Variants in PANK3 observed in about 807,000 individuals in gnomAD.
PANK3 encodes pantothenate kinase 3.
PANK3 carries 20 observed loss-of-function variants against 39.4 expected under a neutral mutation model. The ratio of observed to expected loss-of-function variants is 0.51; its 90% CI spans 0.36 to 0.74. PANK3 has a LOEUF of 0.74. Ranked by LOEUF, PANK3 falls within the 30% of genes least tolerant of loss-of-function variation. PANK3 has a pLI of 0.00. For synonymous variants in PANK3, 140 were observed against 157.3 expected (o/e 0.89, Z 0.82); for missense variants, 265 against 437.0 (o/e 0.61, Z 3.51).
intron 1 of PANK3, among the ~76,000 whole-genome samples, chr5:168,575,528 A>G (rs11958750): frequency 0.44 from 67,387 of 151,988 alleles, 15,822 homozygotes; most frequent in East Asian, 0.61. Flanking sequence ...GGCCAGGAAC[A>G]TGGCTCATGC....
At position 168,551,603 on chromosome 5, in the gene PANK3, A is replaced by G. The variant is rs548849717; in HGVS notation, c.*5968T>C. 1.3e-5 allele frequency: 2 copies of G among 152,160 alleles called. No individual in the cohort carries two copies. Among genetic ancestry groups the G allele is most frequent in the Non-Finnish European group, 2.9e-5 (2 of 68,014 alleles). 9.4% of individuals were successfully genotyped at this position (152,160 alleles called of 1,614,324 possible). A position where few individuals can be genotyped will look rare whatever the true frequency, so the allele number is the denominator to read the frequency against. ...ATCCAGTTAAGCTTTCCATCCAAGAAAACAACCTTAAAAATCAAGGCAAGA... is the reference window on the plus strand; with the variant it reads ...ATCCAGTTAAGCTTTCCATCCAAGAGAACAACCTTAAAAATCAAGGCAAGA... On this transcript the variant is annotated 3_prime_UTR_variant, in exon 7 of 7. Transcript: ENST00000239231.
At position 168,554,894 on chromosome 5, in the gene PANK3, T is replaced by C. The variant is rs1400374056; in HGVS notation, c.*2677A>G. ...CAGAGTCTAAGTTATTTCATCACTG[T>C]ACTTTGGTTAATGTGAACTATGATT... On this transcript the variant is annotated 3_prime_UTR_variant, in exon 7 of 7. Coordinates refer to ENST00000239231, the MANE Select transcript of PANK3 (RefSeq NM_024594.4). The C allele has an allele frequency of 6.6e-6, 1 of 152,244 alleles. No homozygotes were observed. The highest frequency in any genetic ancestry group is 2.4e-5 in the African/African-American group (1 of 41,458). 9.4% of individuals were successfully genotyped at this position (152,244 alleles called of 1,614,324 possible).
chr5:168,565,414 A>G lies in PANK3; in HGVS notation c.635+599T>C, dbSNP rs570329293. Among the ~76,000 whole-genome samples the G allele has an allele frequency of 3.9e-5, 6 of 152,328 alleles. No individual in the cohort carries two copies. The South Asian group carries it at 1.2e-3, about 32-fold the overall frequency. On this transcript the variant is annotated intron_variant, in intron 3 of 6. Coordinates refer to ENST00000239231, the MANE Select transcript of PANK3 (RefSeq NM_024594.4). ...AATCACATTAATTCATCCTATAAGA[A>G]TAAATTACAATGTTCCCCAGTACTG...
chr5:168,552,083 T>G lies in PANK3; in HGVS notation c.*5488A>C, dbSNP rs1258930178. On this transcript the variant is annotated 3_prime_UTR_variant, in exon 7 of 7. Transcript: ENST00000239231. ...TGGTGGTGATGGGAAATTCTATACC[T>G]TGTGTTGTTTGCCTAGCCTCACAGC... 6.6e-6 allele frequency: 1 copy of G among 152,222 alleles called. No individual in the cohort carries two copies. Among genetic ancestry groups the G allele is most frequent in the Non-Finnish European group, 1.5e-5 (1 of 68,030 alleles). The allele number at this position is 152,222 out of a possible 1,614,324, so 9.4% of individuals were successfully genotyped here.
intron 3 of PANK3, among the ~76,000 whole-genome samples, chr5:168,565,579 G>C (rs1384072606): frequency 4.6e-5 from 7 of 151,838 alleles, no homozygotes; most frequent in Non-Finnish European, 4.4e-5. Context: ...CCAAGTAAAT[G>C]CTCCAGTTAA....
intron 1 of PANK3, among the ~76,000 whole-genome samples, chr5:168,577,664 T>G (rs1215871437): frequency 6.6e-6 from 1 of 152,182 alleles, no homozygotes; most frequent in East Asian, 1.9e-4. Flanking sequence ...CTCATAATAA[T>G]CTTTATAATC....
At chr5:168,579,233 GC>G in intron 1 of PANK3, 22 bp downstream of exon 1, 1 of 1,486,586 alleles carries the variant, frequency 6.7e-7, no homozygotes, top group Non-Finnish European at 9.0e-7. Context: ...TCCCAACCTG[GC>G]GGGCCCCAGC....
rs1344990197 is a variant in PANK3 at position 168,548,852 on chromosome 5, A to G, written c.*8719T>C. ...TTATTATGAATAAAATTTATGGCAC[A>G]TCATACATTTTTACATCACAGATTC... is the stretch of plus-strand genomic sequence containing the variant. On this transcript the variant is annotated 3_prime_UTR_variant, in exon 7 of 7. Transcript: ENST00000239231. 1 of 152,256 alleles carries G rather than the reference A, an allele frequency of 6.6e-6. No homozygotes were observed. The highest frequency in any genetic ancestry group is 1.5e-5 in the Non-Finnish European group (1 of 68,046). 9.4% of individuals were successfully genotyped at this position (152,256 alleles called of 1,614,324 possible).
intron 1 of PANK3, among the ~76,000 whole-genome samples, chr5:168,570,526 A>G (rs1040553170): frequency 6.6e-6 from 1 of 152,144 alleles, no homozygotes; most frequent in Admixed American, 6.5e-5. Flanking sequence ...AAACACATTA[A>G]GAACGAGATA....
chr5:168,564,367 T>C (rs58435763), intron 3 of PANK3, among the ~76,000 whole-genome samples: 25,348 of 152,174 alleles, frequency 0.17, 2,548 homozygotes, highest in East Asian at 0.46. Flanking sequence ...CAAAGATAAA[T>C]TGTTGTGTGT....
Position 168,552,563 on chromosome 5 carries a change from G to T in PANK3, c.*5008C>A. The T allele has an allele frequency of 4.9e-6, 1 of 203,176 alleles. No homozygotes were observed. The highest frequency in any genetic ancestry group is 1.2e-4 in the South Asian group (1 of 8,590). 12.6% of individuals were successfully genotyped at this position (203,176 alleles called of 1,614,324 possible). On this transcript the variant is annotated 3_prime_UTR_variant, in exon 7 of 7. Transcript: ENST00000239231. ...CCAGCCACTGCTATTGCAAACTGAA[G>T]AGTGTGGCCACAGTATTCCAGGGAA... is the stretch of plus-strand genomic sequence containing the variant.
chr5:168,565,883 A>C (rs1177597432), intron 3 of PANK3, 130 bp downstream of exon 3: 1 of 228,166 alleles, frequency 4.4e-6, no homozygotes, highest in Non-Finnish European at 7.8e-6. Flanking sequence ...ATATATATAT[A>C]TATTTTTTTT....
rs1449810067 is a variant in PANK3 at position 168,553,553 on chromosome 5, G to A, written c.*4018C>T. 1.5e-5 allele frequency: 5 copies of A among 324,166 alleles called. No individual in the cohort carries two copies. Among genetic ancestry groups the A allele is most frequent in the Non-Finnish European group, 3.0e-5 (5 of 165,460 alleles). The allele number at this position is 324,166 out of a possible 1,614,324, so 20.1% of individuals were successfully genotyped here. ...GGGGGACATGAGCAAAACCTCAGAG[G>A]GAGAGTCTTCTGACCTCTCTTTCAA... On this transcript the variant is annotated 3_prime_UTR_variant, in exon 7 of 7. Transcript: ENST00000239231.
intron 5 of PANK3, 26 bp from the exon 6 acceptor site, chr5:168,559,183 C>A: frequency 7.2e-7 from 1 of 1,386,848 alleles, no homozygotes; most frequent in Non-Finnish European, 9.8e-7. Flanking sequence ...AAAGAAAAAA[C>A]TTGTAAAAAT....
intron 3 of PANK3, among the ~76,000 whole-genome samples, chr5:168,565,404 T>C (rs146424808): frequency 5.6e-4 from 86 of 152,216 alleles, no homozygotes; most frequent in Middle Eastern, 3.4e-3. Flanking sequence ...CATTAATTCA[T>C]CCTATAAGAA....
intron 6 of PANK3, among the ~76,000 whole-genome samples, chr5:168,558,138 A>AT (rs1273175239): frequency 1.3e-5 from 2 of 150,262 alleles, no homozygotes; most frequent in East Asian, 3.9e-4. Flanking sequence ...GAGCAGTGAC[A>AT]ATGAGACATG....
intron 1 of PANK3, among the ~76,000 whole-genome samples, chr5:168,573,062 G>C (rs1326832860): frequency 6.6e-6 from 1 of 152,162 alleles, no homozygotes; most frequent in Admixed American, 6.5e-5. Context: ...TAGCCTACTA[G>C]AAATGTGTTC....
intron 1 of PANK3, among the ~76,000 whole-genome samples, chr5:168,575,117 G>C (rs906686071): frequency 6.6e-6 from 1 of 151,910 alleles, no homozygotes; most frequent in Non-Finnish European, 1.5e-5. Flanking sequence ...CTTTGATGAT[G>C]GTCAATATAC....
chr5:168,565,868 A>AAAAATAT lies in PANK3; in HGVS notation c.635+144_635+145insATATTTT. 3.9e-4 allele frequency: 51 copies of AAAAATAT among 131,936 alleles called. 1 individual carries two copies. Among genetic ancestry groups the AAAAATAT allele is most frequent in the African/African-American group, 7.8e-4 (22 of 28,148 alleles). 8.2% of individuals were successfully genotyped at this position (131,936 alleles called of 1,614,324 possible). A position where few individuals can be genotyped will look rare whatever the true frequency, so the allele number is the denominator to read the frequency against. On this transcript the variant is annotated intron_variant, in intron 3 of 6. Transcript: ENST00000239231. Reference sequence around the variant, plus strand: ...CACCCTCTTTCACTTAAAAAAAAAAAATATATATATATATATATTTTTTTT... The same window carrying AAAAATAT: ...CACCCTCTTTCACTTAAAAAAAAAAAAAAATATATATATATATATATATATTTTTTTT...
Sources: gnomAD v4.1 joint callset for allele counts (sites outside exome capture counted in the v4.1 genomes callset) on GRCh38, gnomAD v4.1.1 for gene constraint, MANE v1.5 for transcripts, NCBI Gene and HGNC (gene_info 2026-07-23, HGNC 2026-07-21) for gene names.